SUCLG2: variants seen among roughly 807,000 people sequenced by gnomAD.
SUCLG2 encodes the protein succinate-CoA ligase GDP-forming subunit beta.
In SUCLG2, 42 loss-of-function variants were observed where a neutral mutation model predicts 47.9. That is an observed-to-expected ratio of 0.88 (90% CI 0.69 to 1.14). SUCLG2 has a LOEUF of 1.14. Ranked by LOEUF, SUCLG2 falls within the 50% of genes most tolerant of loss-of-function variation. The pLI is 0.00. For missense variants in SUCLG2, 571 were observed against 525.9 expected, an observed-to-expected ratio of 1.09 and a Z score of -0.84; for synonymous variants, 195 against 197.3, an observed-to-expected ratio of 0.99 and a Z score of 0.10.
intron 10 of SUCLG2, among the ~76,000 whole-genome samples, chr3:67,379,371 C>A (rs78486673): frequency 0.042 from 6,417 of 152,226 alleles, 191 homozygotes; most frequent in Non-Finnish European, 0.065. Context: ...GAGTGGCGCT[C>A]CTGATGTCTT....
At chr3:67,399,372 T>C (rs1702631764) in intron 10 of SUCLG2, among the ~76,000 whole-genome samples, 1 of 152,154 alleles carries the variant, frequency 6.6e-6, no homozygotes, top group Non-Finnish European at 1.5e-5. Flanking sequence ...GAAATGCTGT[T>C]TCTTTCTTGG....
chr3:67,507,782 T>G (rs1355560849), intron 7 of SUCLG2, among the ~76,000 whole-genome samples: 4 of 152,342 alleles, frequency 2.6e-5, no homozygotes, highest in African/African-American at 9.6e-5. Flanking sequence ...CAATGCAAAT[T>G]ACTATTTACT....
intron 2 of SUCLG2, among the ~76,000 whole-genome samples, chr3:67,569,069 C>T (rs1399163734): frequency 6.6e-6 from 1 of 151,998 alleles, no homozygotes; most frequent in African/African-American, 2.4e-5. Flanking sequence ...AGTTATGATC[C>T]CCACCCCTAT....
chr3:67,392,459 G>C (rs1158058090), intron 10 of SUCLG2, among the ~76,000 whole-genome samples: 11 of 152,200 alleles, frequency 7.2e-5, no homozygotes, highest in African/African-American at 2.7e-4. Flanking sequence ...CCTGATCAAA[G>C]TATTAGTTAG....
At chr3:67,447,292 G>A (rs994385602) in intron 9 of SUCLG2, among the ~76,000 whole-genome samples, 2 of 152,174 alleles carry the variant, frequency 1.3e-5, no homozygotes, top group South Asian at 2.1e-4. Context: ...CCCCAACAAT[G>A]AGAGGGAATG....
At chr3:67,492,160 T>C (rs938547430) in intron 9 of SUCLG2, among the ~76,000 whole-genome samples, 7 of 152,224 alleles carry the variant, frequency 4.6e-5, no homozygotes, top group Non-Finnish European at 1.0e-4. Context: ...CCTTTACTAA[T>C]GCCAATCGTG....
At chr3:67,581,153 A>G (rs1707868846) in intron 2 of SUCLG2, among the ~76,000 whole-genome samples, 1 of 152,214 alleles carries the variant, frequency 6.6e-6, no homozygotes, top group Non-Finnish European at 1.5e-5. Flanking sequence ...GTGCTGATGC[A>G]AAGGGAGTTA....
chr3:67,602,956 G>T (rs192426940), intron 2 of SUCLG2, among the ~76,000 whole-genome samples: 11 of 152,166 alleles, frequency 7.2e-5, no homozygotes, highest in Admixed American at 3.9e-4. Flanking sequence ...AAATGGGAAG[G>T]AACCAAAGAG....
At chr3:67,461,117 G>T (rs916956825) in intron 9 of SUCLG2, among the ~76,000 whole-genome samples, 1 of 152,134 alleles carries the variant, frequency 6.6e-6, no homozygotes, top group Non-Finnish European at 1.5e-5. Context: ...TATGACAAGG[G>T]ACTGCTCTTT....
At chr3:67,485,821 C>T (rs1236862223) in intron 9 of SUCLG2, among the ~76,000 whole-genome samples, 2 of 152,224 alleles carry the variant, frequency 1.3e-5, no homozygotes, top group Admixed American at 1.3e-4. Flanking sequence ...AAACTTTAAT[C>T]ATTCCATAGC....
intron 2 of SUCLG2, among the ~76,000 whole-genome samples, chr3:67,605,935 A>C (rs1032587595): frequency 2.0e-5 from 3 of 152,074 alleles, no homozygotes; most frequent in Non-Finnish European, 2.9e-5. Context: ...TGATACAGCC[A>C]GGTGCAATGG....
intron 2 of SUCLG2, among the ~76,000 whole-genome samples, chr3:67,577,789 A>T (rs1272190288): frequency 6.6e-6 from 1 of 152,188 alleles, no homozygotes; most frequent in Admixed American, 6.5e-5. Context: ...GTAAAGGGGC[A>T]TCCACACTAC....
Position 67,650,444 on chromosome 3 carries a change from C to T in SUCLG2, c.84+4059G>A, listed in dbSNP as rs886354944. 6.6e-5 allele frequency among the ~76,000 whole-genome samples: 10 copies of T among 152,274 alleles called. No individual in the cohort carries two copies. The Middle Eastern group carries it at 0.01, about 155-fold the overall frequency. ...CAGAAGCTCTGGGCTGCACAGAAAA[C>T]ATACAACAAGGATTCTAAAATAGGA... On this transcript the variant is annotated intron_variant, in intron 1 of 10. Transcript: ENST00000307227.
intron 2 of SUCLG2, among the ~76,000 whole-genome samples, chr3:67,575,432 C>CCTCAT (rs1261033226): frequency 6.6e-6 from 1 of 152,124 alleles, no homozygotes; most frequent in African/African-American, 2.4e-5. Context: ...ATACAAAGAG[C>CCTCAT]CACATATCAT....
At chr3:67,555,529 G>A (rs1471779152) in intron 2 of SUCLG2, among the ~76,000 whole-genome samples, 2 of 152,108 alleles carry the variant, frequency 1.3e-5, no homozygotes, top group East Asian at 3.9e-4. Flanking sequence ...GGGTTTCTTA[G>A]AGAAATGGCT....
chr3:67,604,486 T>C (rs912343727), intron 2 of SUCLG2, among the ~76,000 whole-genome samples: 2 of 152,240 alleles, frequency 1.3e-5, no homozygotes, highest in East Asian at 1.9e-4. Context: ...ATCATCTTTG[T>C]CATTTAGCTC....
intron 5 of SUCLG2, 23 bp from the exon 6 acceptor site, chr3:67,518,359 A>C (rs1450065372): frequency 6.3e-7 from 1 of 1,596,572 alleles, no homozygotes; most frequent in Non-Finnish European, 8.6e-7. Flanking sequence ...AATCAAATAA[A>C]CAAAATTCAG....
At chr3:67,467,017 A>G (rs1047607901) in intron 9 of SUCLG2, among the ~76,000 whole-genome samples, 3 of 152,244 alleles carry the variant, frequency 2.0e-5, no homozygotes, top group African/African-American at 7.2e-5. Flanking sequence ...GGATTCTGAC[A>G]AGTAGGAATA....
At chr3:67,544,135 C>G (rs1194243195) in intron 2 of SUCLG2, among the ~76,000 whole-genome samples, 1 of 152,000 alleles carries the variant, frequency 6.6e-6, no homozygotes, top group Non-Finnish European at 1.5e-5. Flanking sequence ...TTAAAATTGA[C>G]TGGAAGAAAT....
Sources: allele counts gnomAD v4.1 joint callset (sites outside exome capture counted in the v4.1 genomes callset), GRCh38; gene constraint gnomAD v4.1.1; transcripts MANE v1.5; gene names NCBI Gene and HGNC (gene_info 2026-07-23, HGNC 2026-07-21).